PALS2: variants seen among roughly 807,000 people sequenced by gnomAD.
The protein encoded by PALS2 is protein PALS2.
Under a neutral mutation model 61.6 loss-of-function variants are expected in PALS2, and 27 were observed. The ratio of observed to expected loss-of-function variants is 0.44; its 90% CI spans 0.32 to 0.60. The LOEUF is 0.60. PALS2 is among the 20% of genes least tolerant of loss of function. The probability of loss-of-function intolerance (pLI) is 0.05; values close to 1 mark genes in which losing one functional copy is unlikely to be tolerated. For synonymous variants in PALS2, 236 were observed against 218.6 expected (o/e 1.08, Z -0.70); for missense variants, 554 against 639.4 (o/e 0.87, Z 1.44).
intron 1 of PALS2, among the ~76,000 whole-genome samples, chr7:24,608,815 A>G (rs1034517936): frequency 1.3e-5 from 2 of 151,990 alleles, no homozygotes; most frequent in African/African-American, 4.8e-5. Flanking sequence ...GTCTTTCTCT[A>G]TTGCCCAGGC....
At chr7:24,632,071 TA>T (rs1785019961) in intron 2 of PALS2, among the ~76,000 whole-genome samples, 1 of 152,216 alleles carries the variant, frequency 6.6e-6, no homozygotes. Flanking sequence ...AATAGTAGAT[TA>T]ACCTATCTCT....
chr7:24,666,591 T>A (rs1415189733), intron 8 of PALS2, among the ~76,000 whole-genome samples: 1 of 152,240 alleles, frequency 6.6e-6, no homozygotes, highest in Admixed American at 6.5e-5. Flanking sequence ...GAAATATATT[T>A]AAAAAGAAAG....
intron 1 of PALS2, among the ~76,000 whole-genome samples, chr7:24,602,506 GTCATAT>G (rs1422178623): frequency 6.6e-6 from 1 of 152,064 alleles, no homozygotes; most frequent in Non-Finnish European, 1.5e-5. Context: ...TTGTTGACTG[GTCATAT>G]TCTGTAGACT....
chr7:24,657,522 T>C (rs1422824204), intron 5 of PALS2, among the ~76,000 whole-genome samples: 1 of 152,212 alleles, frequency 6.6e-6, no homozygotes, highest in African/African-American at 2.4e-5. Flanking sequence ...TTTGGCGAAG[T>C]GTCTTCAAAT....
rs556320799 is a variant in PALS2, at chr7:24,692,147, A to C, written c.*4533A>C. ...TTGGAATAGTTTTTGAAAAATGCAGAGATTCGAACATGAGTCCTTAATATA... is the reference window on the plus strand; with the variant it reads ...TTGGAATAGTTTTTGAAAAATGCAGCGATTCGAACATGAGTCCTTAATATA... On this transcript the variant is annotated 3_prime_UTR_variant, in exon 12 of 12. Transcript: ENST00000222644. 3 of 152,278 alleles carry C rather than the reference A, an allele frequency of 2.0e-5. No individual in the cohort carries two copies. The East Asian group carries it at 5.8e-4, about 29-fold the overall frequency. The allele number at this position is 152,278 out of a possible 1,614,324, so 9.4% of individuals were successfully genotyped here.
chr7:24,600,613 C>G (rs1783685722), intron 1 of PALS2, among the ~76,000 whole-genome samples: 2 of 151,610 alleles, frequency 1.3e-5, no homozygotes, highest in African/African-American at 4.9e-5. Context: ...TAAGTAGAAG[C>G]AGTTCATTTT....
intron 5 of PALS2, among the ~76,000 whole-genome samples, chr7:24,653,900 A>C (rs1786285075): frequency 6.6e-6 from 1 of 152,192 alleles, no homozygotes; most frequent in Non-Finnish European, 1.5e-5. Context: ...GGTGTCAACA[A>C]GCTTAAGGAA....
intron 2 of PALS2, among the ~76,000 whole-genome samples, chr7:24,632,910 AC>A (rs1785061010): frequency 6.6e-6 from 1 of 152,110 alleles, no homozygotes; most frequent in South Asian, 2.1e-4. Flanking sequence ...TAAAAAAAAA[AC>A]TTTTTAGCAG....
intron 5 of PALS2, among the ~76,000 whole-genome samples, chr7:24,660,748 T>A (rs1273334405): frequency 2.0e-5 from 3 of 152,238 alleles, no homozygotes; most frequent in Non-Finnish European, 4.4e-5. Context: ...AGACATGGAT[T>A]ACTAGGTCAG....
intron 1 of PALS2, among the ~76,000 whole-genome samples, chr7:24,609,878 G>T (rs1784052804): frequency 1.3e-5 from 2 of 152,078 alleles, no homozygotes; most frequent in Admixed American, 6.6e-5. Context: ...GCACTTTGTT[G>T]TTGTTGTTGA....
chr7:24,582,786 T>C (rs1782894344), intron 1 of PALS2, among the ~76,000 whole-genome samples: 1 of 151,728 alleles, frequency 6.6e-6, no homozygotes, highest in Non-Finnish European at 1.5e-5. Flanking sequence ...CTCCAATAAT[T>C]GGGTTTCTTA....
chr7:24,600,882 T>C (rs1006235619), intron 1 of PALS2, among the ~76,000 whole-genome samples: 14 of 152,202 alleles, frequency 9.2e-5, no homozygotes. Flanking sequence ...AATTATTTGA[T>C]TTTTCAGCAT....
chr7:24,638,778 C>A (rs563424174), intron 2 of PALS2, among the ~76,000 whole-genome samples: 20 of 152,250 alleles, frequency 1.3e-4, no homozygotes, highest in African/African-American at 4.8e-4. Flanking sequence ...AACCCCTTGC[C>A]ATTAGTCTTT....
At chr7:24,649,794 A>T in intron 4 of PALS2, 30 bp downstream of exon 4, 1 of 1,502,268 alleles carries the variant, frequency 6.7e-7, no homozygotes, top group Non-Finnish European at 8.9e-7. Flanking sequence ...TACCCTATTA[A>T]ATCTGAAATA....
At chr7:24,605,680 A>G (rs1783874854) in intron 1 of PALS2, among the ~76,000 whole-genome samples, 2 of 152,182 alleles carry the variant, frequency 1.3e-5, no homozygotes, top group South Asian at 4.1e-4. Flanking sequence ...ACCCCTAGGG[A>G]AAGAGCAGAG....
chr7:24,655,357 A>G lies in PALS2; in HGVS notation c.651+4645A>G, dbSNP rs77517645. ...TATAAAGAGTACGTATAGATGCAGT[A>G]GAACTATAATCAAAATGTAAAGCAA... On this transcript the variant is annotated intron_variant, in intron 5 of 11. Transcript: ENST00000222644. Among the ~76,000 whole-genome samples, 1,456 of 152,318 alleles carry G rather than the reference A, an allele frequency of 9.6e-3. 23 individuals carry two copies. Among genetic ancestry groups the G allele is most frequent in the African/African-American group, 0.034 (1,405 of 41,572 alleles).
chr7:24,680,667 C>T (rs1787876088), intron 11 of PALS2, 147 bp downstream of exon 11: 3 of 1,086,640 alleles, frequency 2.8e-6, no homozygotes, highest in Non-Finnish European at 3.7e-6. Flanking sequence ...GCGATCTCAG[C>T]TCGTTGCAAC....
intron 1 of PALS2, among the ~76,000 whole-genome samples, chr7:24,579,710 T>C (rs2128038786): frequency 6.6e-6 from 1 of 152,334 alleles, no homozygotes; most frequent in South Asian, 2.1e-4. Flanking sequence ...GCTTAGCTTA[T>C]CACCTTTTTA....
chr7:24,610,502 C>A (rs1282721555), intron 1 of PALS2, among the ~76,000 whole-genome samples: 1 of 152,126 alleles, frequency 6.6e-6, no homozygotes, highest in African/African-American at 2.4e-5. Context: ...TGCGCAAAGT[C>A]CTACTTTTCT....
Sources: gnomAD v4.1 joint callset for allele counts (sites outside exome capture counted in the v4.1 genomes callset) on GRCh38, gnomAD v4.1.1 for gene constraint, MANE v1.5 for transcripts, NCBI Gene and HGNC (gene_info 2026-07-23, HGNC 2026-07-21) for gene names.